Variants in TMEM135 observed in about 807,000 individuals in gnomAD.
The protein encoded by TMEM135 is transmembrane protein 135, also known as peroxisomal membrane protein 52.
In TMEM135, 30 loss-of-function variants were observed where a neutral mutation model predicts 60.3. That is an observed-to-expected ratio of 0.50 (90% CI 0.37 to 0.68). The LOEUF (loss-of-function observed/expected upper bound fraction) is 0.68. Ranked by LOEUF, TMEM135 falls within the 30% of genes least tolerant of loss-of-function variation. TMEM135 has a pLI of 0.00. For missense variants in TMEM135, 468 were observed against 548.8 expected (o/e 0.85, Z 1.47); for synonymous variants, 190 against 186.7 (o/e 1.02, Z -0.14).
At chr11:87,129,002 GGTTTTTTTTTTT>G (rs958116950) in intron 4 of TMEM135, among the ~76,000 whole-genome samples, 29 of 130,950 alleles carry the variant, frequency 2.2e-4, no homozygotes, top group African/African-American at 7.2e-4. Context: ...GCAGGTTTAA[GGTTTTTTTTTTT>G]GTTTTTTTTT....
chr11:87,237,060 A>C (rs767284831), intron 6 of TMEM135, among the ~76,000 whole-genome samples: 1 of 152,000 alleles, frequency 6.6e-6, no homozygotes, highest in Non-Finnish European at 1.5e-5. Context: ...CATTTGGATA[A>C]GAAAAAATGA....
chr11:87,315,205 A>C (rs954822294), intron 12 of TMEM135, among the ~76,000 whole-genome samples: 10 of 150,080 alleles, frequency 6.7e-5, no homozygotes, highest in Non-Finnish European at 1.3e-4. Flanking sequence ...CTTGACATTT[A>C]TTTGTTGAAG....
At chr11:87,214,186 C>A (rs917499248) in intron 5 of TMEM135, among the ~76,000 whole-genome samples, 6 of 152,150 alleles carry the variant, frequency 3.9e-5, no homozygotes, top group Non-Finnish European at 8.8e-5. Context: ...AGGATGAGAT[C>A]CCTGTTCTAA....
intron 3 of TMEM135, among the ~76,000 whole-genome samples, chr11:87,090,482 A>G (rs1857183139): frequency 2.0e-5 from 3 of 152,140 alleles, no homozygotes; most frequent in Non-Finnish European, 4.4e-5. Flanking sequence ...GATTCGGCAT[A>G]TTTAAATGAA....
Position 87,217,726 on chromosome 11 carries a change from G to A in TMEM135, c.463-18912G>A, listed in dbSNP as rs560319082. Among the ~76,000 whole-genome samples, 21 of 152,040 alleles carry A rather than the reference G, an allele frequency of 1.4e-4. 1 individual carries two copies. The South Asian group carries it at 4.1e-3, about 30-fold the overall frequency. ...CTTGAACCAGGGAGGTGGAGGTTGC[G>A]TGAGTCGAGATCGTGCCATTGCACT... On this transcript the variant is annotated intron_variant, in intron 5 of 14. Transcript: ENST00000305494.
At chr11:87,170,106 A>C (rs981068207) in intron 5 of TMEM135, among the ~76,000 whole-genome samples, 2 of 152,000 alleles carry the variant, frequency 1.3e-5, no homozygotes, top group Admixed American at 6.6e-5. Flanking sequence ...TGCTTCACAA[A>C]GTTCTCATGC....
intron 3 of TMEM135, among the ~76,000 whole-genome samples, chr11:87,089,643 T>C (rs1006922074): frequency 2.0e-5 from 3 of 152,218 alleles, no homozygotes; most frequent in African/African-American, 7.2e-5. Context: ...TTTTTCTTCA[T>C]ATGTAACCAG....
intron 4 of TMEM135, among the ~76,000 whole-genome samples, chr11:87,140,911 T>A (rs1938243555): frequency 6.6e-6 from 1 of 152,224 alleles, no homozygotes; most frequent in African/African-American, 2.4e-5. Context: ...ATTATATTGA[T>A]ATCTTTGTAG....
chr11:87,163,851 T>C (rs1283451066), intron 5 of TMEM135, among the ~76,000 whole-genome samples: 1 of 143,502 alleles, frequency 7.0e-6, no homozygotes, highest in Non-Finnish European at 1.5e-5. Flanking sequence ...GAGAAGTGTC[T>C]GTTCATGTCC....
intron 6 of TMEM135, among the ~76,000 whole-genome samples, chr11:87,269,261 A>G (rs1429930587): frequency 6.7e-6 from 1 of 148,472 alleles, no homozygotes; most frequent in Non-Finnish European, 1.5e-5. Flanking sequence ...TAGATTTCAG[A>G]GAGGAAGTTT....
At position 87,062,246 on chromosome 11, in the gene TMEM135, C is replaced by T. The variant is rs550332072; in HGVS notation, c.142-5448C>T. Among the ~76,000 whole-genome samples the T allele has an allele frequency of 1.2e-4, 18 of 152,046 alleles. 1 individual carries two copies. The South Asian group carries it at 2.3e-3, about 19-fold the overall frequency. On this transcript the variant is annotated intron_variant, in intron 1 of 14. Transcript: ENST00000305494. ...GTCTCGAACTCCTGATCTCGTGATCCGCCCACCTCGGCCTCCCATAGTGCT... is the reference window on the plus strand; with the variant it reads ...GTCTCGAACTCCTGATCTCGTGATCTGCCCACCTCGGCCTCCCATAGTGCT...
At chr11:87,258,923 T>TCTG (rs748636283) in intron 6 of TMEM135, 1 of 1,368,952 alleles carries the variant, frequency 7.3e-7, no homozygotes, top group Non-Finnish European at 1.0e-6. Context: ...CCTAGAAGTA[T>TCTG]CTGCTGCTGC....
intron 5 of TMEM135, among the ~76,000 whole-genome samples, chr11:87,181,558 G>C (rs951371045): frequency 1.3e-4 from 20 of 152,238 alleles, no homozygotes; most frequent in Admixed American, 3.9e-4. Context: ...TGGAGACCCA[G>C]ATCAGTGTTT....
chr11:87,300,055 C>T (rs1342973599), intron 7 of TMEM135, among the ~76,000 whole-genome samples: 2 of 152,040 alleles, frequency 1.3e-5, no homozygotes, highest in Non-Finnish European at 2.9e-5. Context: ...GCAATACAGA[C>T]GCATGGTTTA....
In TMEM135 at chr11:87,168,516, A is replaced by G. The variant is rs75097880; in HGVS notation, c.462+11110A>G. ...TCTGGTACGTTGTGTCTTTGTTCTC[A>G]TTGGTTTCAAAGAACTTATTTATTT... is the stretch of plus-strand genomic sequence containing the variant. On this transcript the variant is annotated intron_variant, in intron 5 of 14. Transcript: ENST00000305494. Among the ~76,000 whole-genome samples, 4 of 152,104 alleles carry G rather than the reference A, an allele frequency of 2.6e-5. No homozygotes were observed. In the East Asian group the frequency reaches 7.7e-4, roughly 29 times the overall value.
intron 6 of TMEM135, among the ~76,000 whole-genome samples, chr11:87,274,786 CTGTGTGTGTGTGTGTG>C (rs10655114): frequency 1.5e-4 from 20 of 129,284 alleles, no homozygotes; most frequent in South Asian, 5.4e-4. Flanking sequence ...CATAGCAAGA[CTGTGTGTGTGTGTGTG>C]TGTGTGTGTG....
At position 87,038,824 on chromosome 11, in the gene TMEM135, TGACTTTGTGTCACCTAG is replaced by T. The variant is rs535110855; in HGVS notation, c.141+642_141+658del. 5.9e-3 allele frequency among the ~76,000 whole-genome samples: 891 copies of T among 152,256 alleles called. 10 individuals carry two copies. The highest frequency in any genetic ancestry group is 0.02 in the African/African-American group (849 of 41,532). On this transcript the variant is annotated intron_variant, in intron 1 of 14. Coordinates refer to ENST00000305494, the MANE Select transcript of TMEM135 (RefSeq NM_022918.4). ...AGTCAGTGAACTTGGTTAGGACATCTGACTTTGTGTCACCTAGGACCTTCTGTTACACAACTTTACAT... is the reference window on the plus strand; with the variant it reads ...AGTCAGTGAACTTGGTTAGGACATCTGACCTTCTGTTACACAACTTTACAT...
At chr11:87,092,967 C>T (rs541327503) in intron 4 of TMEM135, among the ~76,000 whole-genome samples, 6 of 151,778 alleles carry the variant, frequency 4.0e-5, no homozygotes, top group African/African-American at 9.7e-5. Flanking sequence ...TTTTGTAGTC[C>T]GAGAATTCAT....
At chr11:87,222,636 T>G (rs537355730) in intron 5 of TMEM135, among the ~76,000 whole-genome samples, 13 of 148,682 alleles carry the variant, frequency 8.7e-5, no homozygotes, top group African/African-American at 3.2e-4. Context: ...AAACCCCGTC[T>G]CTATTAAAAA....
Sources: allele counts gnomAD v4.1 joint callset (sites outside exome capture counted in the v4.1 genomes callset), GRCh38; gene constraint gnomAD v4.1.1; transcripts MANE v1.5; gene names NCBI Gene and HGNC (gene_info 2026-07-23, HGNC 2026-07-21).